WWOX: variants seen among roughly 807,000 people sequenced by gnomAD.
WWOX encodes the protein WW domain-containing oxidoreductase.
Under a neutral mutation model 46.2 loss-of-function variants are expected in WWOX, and 69 were observed. The observed-to-expected ratio is 1.49, with a 90% CI of 1.23 to 1.82. WWOX has a LOEUF of 1.82. WWOX is among the 40% of genes most tolerant of loss of function. The probability of loss-of-function intolerance (pLI) is 0.00; values close to 1 mark genes in which losing one functional copy is unlikely to be tolerated. For missense variants in WWOX, 919 were observed against 542.6 expected (o/e 1.69, Z -6.89); for synonymous variants, 359 against 202.6 (o/e 1.77, Z -6.56).
At chr16:79,201,755 CTT>C (rs1410044740) in intron 8 of WWOX, among the ~76,000 whole-genome samples, 2 of 147,882 alleles carry the variant, frequency 1.4e-5, no homozygotes, top group Non-Finnish European at 2.9e-5. Context: ...GTCTTCCTGA[CTT>C]TTTTCTTCCA....
intron 8 of WWOX, among the ~76,000 whole-genome samples, chr16:79,176,288 C>G (rs1270572618): frequency 6.6e-6 from 1 of 152,196 alleles, no homozygotes; most frequent in African/African-American, 2.4e-5. Flanking sequence ...GCTGCAGCCA[C>G]TTAGTGGTTC....
At chr16:78,580,192 G>C (rs1167465832) in intron 8 of WWOX, among the ~76,000 whole-genome samples, 2 of 151,860 alleles carry the variant, frequency 1.3e-5, no homozygotes, top group Non-Finnish European at 2.9e-5. Flanking sequence ...TCCTGCCTCA[G>C]CCTCTTGAGT....
At chr16:78,436,178 C>T (rs759064731) in intron 8 of WWOX, among the ~76,000 whole-genome samples, 8 of 152,114 alleles carry the variant, frequency 5.3e-5, no homozygotes, top group African/African-American at 9.7e-5. Context: ...GCCTTGGTCC[C>T]GATGATGATT....
chr16:78,398,669 A>G (rs1477752384), intron 6 of WWOX, among the ~76,000 whole-genome samples: 4 of 152,152 alleles, frequency 2.6e-5, no homozygotes, highest in Non-Finnish European at 5.9e-5. Flanking sequence ...TGGCTAATAC[A>G]TCTTGGTCTT....
intron 8 of WWOX, among the ~76,000 whole-genome samples, chr16:78,623,172 C>G (rs538770144): frequency 5.9e-5 from 9 of 151,594 alleles, no homozygotes; most frequent in African/African-American, 1.7e-4. Context: ...CAGCCATGCC[C>G]AGACTCCTAT....
At chr16:78,169,098 C>G (rs565260967) in intron 5 of WWOX, among the ~76,000 whole-genome samples, 1 of 152,128 alleles carries the variant, frequency 6.6e-6, no homozygotes, top group East Asian at 1.9e-4. Flanking sequence ...GGGCTTGTTC[C>G]TATGTTGTGG....
chr16:78,935,496 A>G (rs982838883), intron 8 of WWOX, among the ~76,000 whole-genome samples: 4 of 152,012 alleles, frequency 2.6e-5, no homozygotes, highest in East Asian at 3.9e-4. Context: ...TCAGCAAACT[A>G]TCACAAGGAC....
intron 8 of WWOX, among the ~76,000 whole-genome samples, chr16:79,129,788 C>T (rs915275900): frequency 6.6e-6 from 1 of 152,170 alleles, no homozygotes; most frequent in African/African-American, 2.4e-5. Context: ...AAGACAGTCA[C>T]AGTCCATCCC....
At chr16:78,670,372 A>G (rs1010309031) in intron 8 of WWOX, among the ~76,000 whole-genome samples, 9 of 152,184 alleles carry the variant, frequency 5.9e-5, no homozygotes, top group Non-Finnish European at 1.3e-4. Flanking sequence ...CATCCCGGAA[A>G]TATGCAGGAA....
intron 5 of WWOX, among the ~76,000 whole-genome samples, chr16:78,363,883 G>T (rs2081470371): frequency 6.6e-6 from 1 of 152,172 alleles, no homozygotes; most frequent in South Asian, 2.1e-4. Flanking sequence ...TGGATGGGAA[G>T]CCCAGCATGG....
At chr16:78,417,309 T>C (rs1244733210) in intron 6 of WWOX, among the ~76,000 whole-genome samples, 1 of 152,108 alleles carries the variant, frequency 6.6e-6, no homozygotes, top group African/African-American at 2.4e-5. Context: ...TCCAGGTTGG[T>C]CTTGAACCCC....
chr16:78,686,164 G>C (rs1399366830), intron 8 of WWOX, among the ~76,000 whole-genome samples: 4 of 152,110 alleles, frequency 2.6e-5, no homozygotes, highest in Admixed American at 2.6e-4. Context: ...TTGGCTATAG[G>C]AATCTGGTTC....
intron 8 of WWOX, among the ~76,000 whole-genome samples, chr16:78,722,331 A>C (rs1226024613): frequency 5.3e-5 from 8 of 152,196 alleles, no homozygotes; most frequent in South Asian, 4.1e-4. Context: ...TCTTGGTCTC[A>C]GTTTTCTCAT....
At chr16:78,793,435 A>C (rs1368242797) in intron 8 of WWOX, among the ~76,000 whole-genome samples, 2 of 152,150 alleles carry the variant, frequency 1.3e-5, no homozygotes, top group Non-Finnish European at 2.9e-5. Flanking sequence ...TCAAGAATAC[A>C]AATTGAACAT....
At chr16:78,993,379 G>A (rs913210572) in intron 8 of WWOX, among the ~76,000 whole-genome samples, 4 of 152,164 alleles carry the variant, frequency 2.6e-5, no homozygotes, top group South Asian at 2.1e-4. Flanking sequence ...TGCTTGTCAA[G>A]AGGGTAATGT....
intron 8 of WWOX, among the ~76,000 whole-genome samples, chr16:78,573,417 A>G (rs185644316): frequency 3.4e-4 from 52 of 152,320 alleles, no homozygotes; most frequent in Middle Eastern, 3.4e-3. Flanking sequence ...ATTTTATGTG[A>G]TGAAAACATA....
At chr16:79,071,280 A>G (rs984564684) in intron 8 of WWOX, among the ~76,000 whole-genome samples, 3 of 152,340 alleles carry the variant, frequency 2.0e-5, no homozygotes, top group African/African-American at 4.8e-5. Context: ...TGACAACCTG[A>G]CAATGACTTT....
At chr16:78,910,601 A>G (rs949580782) in intron 8 of WWOX, among the ~76,000 whole-genome samples, 2 of 151,784 alleles carry the variant, frequency 1.3e-5, no homozygotes, top group African/African-American at 4.8e-5. Flanking sequence ...TAAAGGAAAG[A>G]GGTTTAATGG....
In WWOX at chr16:78,422,834, TATATACATATACACAC is replaced by T. The variant is rs2082977864; in HGVS notation, c.606-2034_606-2019del. 2.7e-5 allele frequency among the ~76,000 whole-genome samples: 3 copies of T among 109,826 alleles called. No individual in the cohort carries two copies. In the South Asian group the frequency reaches 9.7e-4, roughly 36 times the overall value. The allele number at this position is 109,826 out of a possible 152,430, so 72.1% of individuals were successfully genotyped here. A position where few individuals can be genotyped will look rare whatever the true frequency, so the allele number is the denominator to read the frequency against. On this transcript the variant is annotated intron_variant, in intron 6 of 8. Transcript: ENST00000566780. The stretch of plus-strand genomic sequence containing the variant: ...ACATATATATACACACACATATATA[TATATACATATACACAC>T]ACACACACACACACACACACACACA...
Sources: gnomAD v4.1 joint callset for allele counts (sites outside exome capture counted in the v4.1 genomes callset) on GRCh38, gnomAD v4.1.1 for gene constraint, MANE v1.5 for transcripts, NCBI Gene and HGNC (gene_info 2026-07-23, HGNC 2026-07-21) for gene names.